EVC: variants seen among roughly 807,000 people sequenced by gnomAD.
EVC encodes EvC ciliary complex subunit 1.
Under a neutral mutation model 118.9 loss-of-function variants are expected in EVC, and 116 were observed. The ratio of observed to expected loss-of-function variants is 0.98; its 90% CI spans 0.84 to 1.14. The LOEUF is 1.14. Among genes scored for constraint, EVC ranks in the 50% most tolerant of loss-of-function variants. The pLI is 0.00. For synonymous variants in EVC, 619 were observed against 534.7 expected (o/e 1.16, Z -2.18); for missense variants, 1,401 against 1,246.4 (o/e 1.12, Z -1.87).
Position 5,755,854 on chromosome 4 carries a change from A to G in EVC, c.1465-410A>G, listed in dbSNP as rs1308160269. On this transcript the variant is annotated intron_variant, in intron 10 of 20. Transcript: ENST00000264956. This position sits in a 1 kb window ranked among gnomAD's most constrained non-coding sequence, Gnocchi z 4.1. ...GGAAGGGCCTCCACCCCGTGGTCACAGTGGGGCCTGGCTGGTTGCTGACTG... is the reference window on the plus strand; with the variant it reads ...GGAAGGGCCTCCACCCCGTGGTCACGGTGGGGCCTGGCTGGTTGCTGACTG... Among the ~76,000 whole-genome samples, 2 of 152,116 alleles carry G rather than the reference A, an allele frequency of 1.3e-5. No homozygotes were observed. The highest frequency in any genetic ancestry group is 1.5e-5 in the Non-Finnish European group (1 of 68,022).
At chr4:5,721,467 A>G (rs935652079) in intron 2 of EVC, among the ~76,000 whole-genome samples, 1 of 152,200 alleles carries the variant, frequency 6.6e-6, no homozygotes, top group Non-Finnish European at 1.5e-5. Flanking sequence ...ATTTATACAG[A>G]CAGAAAGTAG....
intron 11 of EVC, among the ~76,000 whole-genome samples, chr4:5,776,520 G>A (rs534782362): frequency 2.0e-5 from 3 of 152,254 alleles, no homozygotes; most frequent in African/African-American, 7.2e-5. Flanking sequence ...TAAAGAGGAA[G>A]CCTCAGTTTC....
intron 13 of EVC, among the ~76,000 whole-genome samples, 165 bp downstream of exon 13, chr4:5,793,882 G>A (rs1043707850): frequency 6.6e-6 from 1 of 152,108 alleles, no homozygotes; most frequent in African/African-American, 2.4e-5. Context: ...TATAAAATGG[G>A]ATAATGCTAT....
At chr4:5,822,595 G>A in the EVC span, among the ~76,000 whole-genome samples, 3 of 151,970 alleles carry the variant, frequency 2.0e-5, no homozygotes, top group Non-Finnish European at 4.4e-5. Context: ...TAAAATTCTA[G>A]CAGCAAACCC....
At chr4:5,727,528 T>G (rs1465106200) in intron 2 of EVC, among the ~76,000 whole-genome samples, 1 of 152,202 alleles carries the variant, frequency 6.6e-6, no homozygotes, top group Non-Finnish European at 1.5e-5. Flanking sequence ...AGGTTGCCTG[T>G]TCACTCTGAT....
rs780340328 is a variant in EVC at position 5,754,108 on chromosome 4, A to G, written c.1464+175A>G. 6.6e-6 allele frequency among the ~76,000 whole-genome samples: 1 copy of G among 152,126 alleles called. No homozygotes were observed. The highest frequency in any genetic ancestry group is 2.1e-4 in the South Asian group (1 of 4,822). On this transcript the variant is annotated intron_variant, in intron 10 of 20. Transcript: ENST00000264956. This position sits in a 1 kb window ranked among gnomAD's most constrained non-coding sequence, Gnocchi z 5.8. ...TTAGCCCCTACATCCCTAGGGTCCT[A>G]GTGGACTGTAAGCTGGTGATAAGAG...
At chr4:5,816,372 G>A (rs554254028), downstream of EVC, among the ~76,000 whole-genome samples, 3 of 152,272 alleles carry the variant, frequency 2.0e-5, no homozygotes, top group South Asian at 4.1e-4. Context: ...CCTTCCCTGC[G>A]TGAGCATGGA....
chr4:5,752,020 G>A (rs955620272), intron 8 of EVC, among the ~76,000 whole-genome samples: 1 of 152,202 alleles, frequency 6.6e-6, no homozygotes, highest in Non-Finnish European at 1.5e-5. Flanking sequence ...TGAAAGGTCC[G>A]CTGTTCTGTG....
chr4:5,742,000 G>C (rs564678004), intron 6 of EVC, among the ~76,000 whole-genome samples, 186 bp downstream of exon 6: 2 of 152,092 alleles, frequency 1.3e-5, no homozygotes, highest in African/African-American at 4.8e-5. Context: ...ATTAAAATTT[G>C]GAATACTATT....
chr4:5,825,513 C>G, the EVC span: 1 of 1,573,698 alleles, frequency 6.4e-7, no homozygotes, highest in Non-Finnish European at 8.6e-7. This position sits in a 1 kb window ranked among gnomAD's most constrained non-coding sequence, Gnocchi z 4.4. Context: ...TGAAGTTGGA[C>G]TGGTGGAGGT....
rs148581270 is a variant in EVC, at chr4:5,733,175, G to A, written c.618-176G>A. ...TATGGCCATTAGTGGGTTTCAAACA[G>A]CTCATTTGATCCCTTCTTATAAACC... On this transcript the variant is annotated intron_variant, in intron 4 of 20. Transcript: ENST00000264956. Among the ~76,000 whole-genome samples, 149 of 152,236 alleles carry A rather than the reference G, an allele frequency of 9.8e-4. 1 individual carries two copies. Among genetic ancestry groups the A allele is most frequent in the Non-Finnish European group, 1.1e-3 (77 of 68,014 alleles).
intron 11 of EVC, among the ~76,000 whole-genome samples, chr4:5,770,602 A>T (rs1464836483): frequency 6.6e-6 from 1 of 152,178 alleles, no homozygotes; most frequent in Non-Finnish European, 1.5e-5. Flanking sequence ...GCCCTCCTTG[A>T]TGGAAGGGTT....
At chr4:5,810,575 A>G (rs946949590) in intron 20 of EVC, 125 bp downstream of exon 20, 1 of 766,290 alleles carries the variant, frequency 1.3e-6, no homozygotes, top group Non-Finnish European at 2.3e-6. Context: ...TGAAGGTTCA[A>G]GAAATGACAG....
downstream of EVC, among the ~76,000 whole-genome samples, chr4:5,815,509 T>C (rs941671459): frequency 6.6e-6 from 1 of 152,104 alleles, no homozygotes; most frequent in Non-Finnish European, 1.5e-5. Context: ...GCGTGATTTA[T>C]AGGGGGAACG....
At chr4:5,741,259 A>C (rs1157714852) in intron 5 of EVC, among the ~76,000 whole-genome samples, 1 of 152,220 alleles carries the variant, frequency 6.6e-6, no homozygotes, top group African/African-American at 2.4e-5. Flanking sequence ...CACTTATGGG[A>C]GGGTTCTTCC....
intron 17 of EVC, among the ~76,000 whole-genome samples, chr4:5,805,555 C>A (rs149651618): frequency 1.3e-5 from 2 of 152,338 alleles, no homozygotes; most frequent in East Asian, 3.9e-4. Flanking sequence ...AGAAGCATCA[C>A]TCGGCTTTCC....
chr4:5,796,719 G>A (rs1002531032), intron 13 of EVC, among the ~76,000 whole-genome samples: 2 of 151,908 alleles, frequency 1.3e-5, no homozygotes, highest in Non-Finnish European at 2.9e-5. Flanking sequence ...CAAGATTTCA[G>A]CTTTGGATGT....
Position 5,786,935 on chromosome 4 carries a change from G to C in EVC, c.1776+3171G>C, listed in dbSNP as rs574001616. 4.0e-5 allele frequency among the ~76,000 whole-genome samples: 6 copies of C among 151,190 alleles called. No homozygotes were observed. The South Asian group carries it at 1.3e-3, about 32-fold the overall frequency. On this transcript the variant is annotated intron_variant, in intron 12 of 20. Transcript: ENST00000264956. ...GATCCACCTGCCATATTTCCTCATT[G>C]ATGAAAAAAAGAGAAATGAGCTCTC...
intron 11 of EVC, among the ~76,000 whole-genome samples, chr4:5,769,403 TGGG>T (rs1733597051): frequency 6.6e-6 from 1 of 152,150 alleles, no homozygotes; most frequent in South Asian, 2.1e-4. Flanking sequence ...GAGATTTAGG[TGGG>T]GACACAGCTA....
Sources: gnomAD v4.1 joint callset for allele counts (sites outside exome capture counted in the v4.1 genomes callset) on GRCh38, gnomAD v4.1.1 for gene constraint, Gnocchi (gnomAD v3.1) non-coding constraint, MANE v1.5 for transcripts, NCBI Gene and HGNC (gene_info 2026-07-23, HGNC 2026-07-21) for gene names.